Variants in CDK6 observed in about 807,000 individuals in gnomAD.
CDK6 encodes the protein cyclin-dependent kinase 6.
A neutral mutation model predicts 37.1 loss-of-function variants in CDK6; 6 were observed. That is an observed-to-expected ratio of 0.16 (90% CI 0.09 to 0.32). The LOEUF is 0.32. Among genes scored for constraint, CDK6 ranks in the 10% least tolerant of loss-of-function variants. CDK6 has a pLI of 1.00. For missense variants in CDK6, 224 were observed against 418.9 expected, an observed-to-expected ratio of 0.53 and a Z score of 4.06; for synonymous variants, 160 against 161.3, an observed-to-expected ratio of 0.99 and a Z score of 0.06.
intron 4 of CDK6, among the ~76,000 whole-genome samples, chr7:92,683,623 T>C (rs997577813): frequency 6.6e-6 from 1 of 151,762 alleles, no homozygotes; most frequent in African/African-American, 2.4e-5. Context: ...GTCATCGAGA[T>C]GCATGCAGGA....
At chr7:92,667,662 C>T (rs117164708) in intron 5 of CDK6, among the ~76,000 whole-genome samples, 5,434 of 151,854 alleles carry the variant, frequency 0.036, 110 homozygotes, top group Non-Finnish European at 0.051. Flanking sequence ...AGTGATCCTC[C>T]CAACTCAGTC....
chr7:92,729,268 C>T (rs1281575794), intron 3 of CDK6, among the ~76,000 whole-genome samples: 2 of 152,166 alleles, frequency 1.3e-5, no homozygotes, highest in East Asian at 1.9e-4. Flanking sequence ...CTAAATTATT[C>T]TGTACCATAT....
chr7:92,765,075 G>C (rs1410641843), intron 3 of CDK6, among the ~76,000 whole-genome samples: 1 of 152,062 alleles, frequency 6.6e-6, no homozygotes, highest in East Asian at 1.9e-4. Context: ...TTCCTTTGAA[G>C]CTTCTAGTTC....
chr7:92,636,062 A>G (rs567345259), intron 5 of CDK6, among the ~76,000 whole-genome samples: 101 of 152,152 alleles, frequency 6.6e-4, no homozygotes, highest in African/African-American at 2.2e-3. Flanking sequence ...ATTTGTTATT[A>G]TTATTATTTT....
chr7:92,833,572 G>A lies in CDK6; in HGVS notation c.-249C>T. On this transcript the variant is annotated 5_prime_UTR_variant, in exon 2 of 8. Transcript: ENST00000424848. This position sits in a 1 kb window ranked among gnomAD's most constrained non-coding sequence, Gnocchi z 6.1. ...AAACTCCGCCTGCAGAGTCGCCGCC[G>A]CCGCCGCCGCCGGAGGAGCGAGCCG... 2 of 540,430 alleles carry A rather than the reference G, an allele frequency of 3.7e-6. No individual in the cohort carries two copies. The highest frequency in any genetic ancestry group is 2.6e-5 in the South Asian group (1 of 38,594). 33.5% of individuals were successfully genotyped at this position (540,430 alleles called of 1,614,324 possible).
At chr7:92,771,233 A>AT (rs1562960685) in intron 3 of CDK6, among the ~76,000 whole-genome samples, 1 of 150,182 alleles carries the variant, frequency 6.7e-6, no homozygotes, top group African/African-American at 2.4e-5. Flanking sequence ...TCAAAAAAAA[A>AT]AAATAAATAA....
chr7:92,748,293 G>A (rs1799107570), intron 3 of CDK6, among the ~76,000 whole-genome samples: 1 of 152,150 alleles, frequency 6.6e-6, no homozygotes, highest in Admixed American at 6.5e-5. Context: ...GCTCAAACCA[G>A]AAGGAAGAAA....
chr7:92,622,973 G>C, intron 6 of CDK6, 63 bp downstream of exon 6: 1 of 996,438 alleles, frequency 1.0e-6, no homozygotes, highest in Non-Finnish European at 1.6e-6. Context: ...GCATGTCAGA[G>C]GAAAGTCACT....
At chr7:92,743,373 T>C (rs1293233176) in intron 3 of CDK6, among the ~76,000 whole-genome samples, 1 of 149,838 alleles carries the variant, frequency 6.7e-6, no homozygotes, top group Non-Finnish European at 1.5e-5. Flanking sequence ...CGAAATTCTG[T>C]CTCAAAGAAA....
At chr7:92,695,952 T>G (rs1368617829) in intron 4 of CDK6, among the ~76,000 whole-genome samples, 1 of 152,254 alleles carries the variant, frequency 6.6e-6, no homozygotes, top group African/African-American at 2.4e-5. Flanking sequence ...TGATTTCAGT[T>G]GGAGCAGCTC....
intron 3 of CDK6, among the ~76,000 whole-genome samples, chr7:92,727,604 T>TG (rs1420332642): frequency 5.9e-5 from 9 of 152,070 alleles, no homozygotes; most frequent in Non-Finnish European, 1.5e-5. Context: ...GGAGACTGAT[T>TG]CACAAACAAC....
At position 92,728,349 on chromosome 7, in the gene CDK6, A is replaced by G. The variant is rs144602011; in HGVS notation, c.370-2556T>C. On this transcript the variant is annotated intron_variant, in intron 3 of 7. Transcript: ENST00000424848. ...TACGTATTTTATTATATTTGGATGT[A>G]TAAGTATATTTAAGTAAAAGTGGTT... Among the ~76,000 whole-genome samples the G allele has an allele frequency of 1.5e-4, 23 of 152,290 alleles. No individual in the cohort carries two copies. The East Asian group carries it at 4.2e-3, about 28-fold the overall frequency.
At chr7:92,758,498 GT>G (rs948789294) in intron 3 of CDK6, among the ~76,000 whole-genome samples, 9 of 152,124 alleles carry the variant, frequency 5.9e-5, no homozygotes, top group African/African-American at 2.2e-4. Context: ...CTATGTGTCT[GT>G]TTTTGTACCA....
chr7:92,668,021 C>T (rs770482960), intron 5 of CDK6, among the ~76,000 whole-genome samples: 9 of 152,198 alleles, frequency 5.9e-5, no homozygotes, highest in Non-Finnish European at 1.2e-4. Context: ...ACTCACCACT[C>T]ACTCACTGAC....
chr7:92,638,075 T>A (rs557195947), intron 5 of CDK6, among the ~76,000 whole-genome samples: 2 of 152,328 alleles, frequency 1.3e-5, no homozygotes, highest in East Asian at 3.9e-4. Flanking sequence ...ATGGTATAAT[T>A]TTAGCTCATA....
At chr7:92,647,845 A>T (rs1025737817) in intron 5 of CDK6, among the ~76,000 whole-genome samples, 3 of 152,230 alleles carry the variant, frequency 2.0e-5, no homozygotes, top group Admixed American at 6.5e-5. Context: ...GTTGGGAGAC[A>T]ATTCTGCATG....
chr7:92,749,792 A>G (rs1799146806), intron 3 of CDK6, among the ~76,000 whole-genome samples: 1 of 152,200 alleles, frequency 6.6e-6, no homozygotes, highest in African/African-American at 2.4e-5. Flanking sequence ...ATGTTTATTC[A>G]ACATACACCC....
chr7:92,724,997 T>C (rs778755040), intron 4 of CDK6: 29 of 981,032 alleles, frequency 3.0e-5, no homozygotes, highest in African/African-American at 7.0e-5. Flanking sequence ...ATAGCTATTA[T>C]GGTTTTGCAG....
intron 2 of CDK6, among the ~76,000 whole-genome samples, chr7:92,812,634 C>A (rs761496790): frequency 2.0e-4 from 30 of 151,980 alleles, no homozygotes; most frequent in Non-Finnish European, 4.3e-4. Flanking sequence ...CTACGTTGCC[C>A]AGGCTGGTCT....
Sources: allele counts gnomAD v4.1 joint callset (sites outside exome capture counted in the v4.1 genomes callset), GRCh38; gene constraint gnomAD v4.1.1; non-coding constraint Gnocchi (gnomAD v3.1); transcripts MANE v1.5; gene names NCBI Gene and HGNC (gene_info 2026-07-23, HGNC 2026-07-21).